GPBP1: variants seen among roughly 807,000 people sequenced by gnomAD.
GPBP1 encodes the protein GC-rich promoter binding protein 1.
GPBP1 carries 13 observed loss-of-function variants against 56.5 expected under a neutral mutation model. The observed-to-expected ratio is 0.23, with a 90% confidence interval of 0.15 to 0.37. GPBP1 has a LOEUF of 0.37. GPBP1 is among the 10% of genes least tolerant of loss of function. The pLI is 1.00. For synonymous variants in GPBP1, 204 were observed against 188.9 expected (o/e 1.08, Z -0.66); for missense variants, 477 against 572.3 (o/e 0.83, Z 1.70).
At chr5:57,189,184 A>C (rs1410393328) in intron 2 of GPBP1, among the ~76,000 whole-genome samples, 2 of 152,074 alleles carry the variant, frequency 1.3e-5, no homozygotes, top group Admixed American at 6.6e-5. Context: ...TATTGCCACT[A>C]TCTCAGTTCA....
chr5:57,190,223 T>A (rs1296036185), intron 2 of GPBP1, among the ~76,000 whole-genome samples: 2 of 151,460 alleles, frequency 1.3e-5, no homozygotes, highest in Non-Finnish European at 2.9e-5. Flanking sequence ...TATTTTTAAC[T>A]GCTTGGGGAC....
In GPBP1 at chr5:57,247,080, A is replaced by C; in HGVS notation, c.669A>C (p.Thr223=). Residue 223 remains threonine (T), a synonymous_variant, in exon 8 of 12, where the codon ACA becomes ACC. Transcript: ENST00000506184. ...GTTTGTGTGTTTTTCTTTAGCCTAC[A>C]CAATGGAAAAGCCAAACAAAAGAAA... ...PKPAAPPTKP[T]QWKSQTKENK... 1.2e-6 allele frequency: 2 copies of C among 1,612,694 alleles called. No individual in the cohort carries two copies. The highest frequency in any genetic ancestry group is 8.5e-7 in the Non-Finnish European group (1 of 1,179,478).
chr5:57,187,060 T>C (rs554856360), intron 2 of GPBP1, among the ~76,000 whole-genome samples: 3 of 151,836 alleles, frequency 2.0e-5, no homozygotes, highest in East Asian at 3.9e-4. Flanking sequence ...GTATGTATTA[T>C]GCTAATTCTA....
In GPBP1 at chr5:57,176,305, ATAT is replaced by A; in HGVS notation, c.-148_-146del. 3.3e-6 allele frequency: 1 copy of A among 305,002 alleles called. No individual in the cohort carries two copies. The highest frequency in any genetic ancestry group is 5.9e-6 in the Non-Finnish European group (1 of 168,314). 18.9% of individuals were successfully genotyped at this position (305,002 alleles called of 1,614,324 possible). A position where few individuals can be genotyped will look rare whatever the true frequency, so the allele number is the denominator to read the frequency against. Reference sequence around the variant, plus strand: ...GGTTAAGTATCTTCAAAGAACTTCGATATTATTTCAGAGGATACAAAATAAAAA... The same window carrying A: ...GGTTAAGTATCTTCAAAGAACTTCGATATTTCAGAGGATACAAAATAAAAA... On this transcript the variant is annotated 5_prime_UTR_variant, in exon 2 of 12. Coordinates refer to ENST00000506184, the MANE Select transcript of GPBP1 (RefSeq NM_022913.4).
intron 5 of GPBP1, 54 bp from the exon 6 acceptor site, chr5:57,235,912 G>C (rs2111876010): frequency 2.3e-6 from 3 of 1,287,474 alleles, no homozygotes; most frequent in Non-Finnish European, 3.4e-6. Flanking sequence ...TCTGAGATTG[G>C]TTTTAAATGA....
chr5:57,246,496 A>G lies in GPBP1; in HGVS notation c.663+12A>G, dbSNP rs1423209708. The G allele has an allele frequency of 1.3e-6, 2 of 1,580,052 alleles. No homozygotes were observed. Among genetic ancestry groups the G allele is most frequent in the East Asian group, 2.2e-5 (1 of 44,594 alleles). On this transcript the variant is annotated intron_variant, in intron 7 of 11. Coordinates refer to ENST00000506184, the MANE Select transcript of GPBP1 (RefSeq NM_022913.4). ...CTCCACCTACAAAAGTAAGTTCTAA[A>G]TTACCACAAATGTAAATTTTGAGTT...
At chr5:57,187,387 G>A (rs554570342) in intron 2 of GPBP1, among the ~76,000 whole-genome samples, 2 of 152,316 alleles carry the variant, frequency 1.3e-5, no homozygotes, top group African/African-American at 4.8e-5. Context: ...TATCTCAACA[G>A]TGGATTTGGG....
chr5:57,174,847 C>T (rs1245565037), intron 1 of GPBP1, among the ~76,000 whole-genome samples: 1 of 152,170 alleles, frequency 6.6e-6, no homozygotes, highest in Non-Finnish European at 1.5e-5. Context: ...GAAGTGGAAA[C>T]CTACACCTTC....
At chr5:57,178,578 G>C (rs1336593588) in intron 2 of GPBP1, among the ~76,000 whole-genome samples, 1 of 152,146 alleles carries the variant, frequency 6.6e-6, no homozygotes, top group Non-Finnish European at 1.5e-5. Flanking sequence ...TACTGATATT[G>C]TTAATCTAAG....
chr5:57,214,663 A>T (rs921838550), intron 3 of GPBP1, among the ~76,000 whole-genome samples: 1 of 150,528 alleles, frequency 6.6e-6, no homozygotes, highest in African/African-American at 2.4e-5. Context: ...CTCTATTAAA[A>T]TTTTTTTTTT....
chr5:57,245,895 A>G (rs1309023026), intron 6 of GPBP1: 1 of 153,724 alleles, frequency 6.5e-6, no homozygotes, highest in Non-Finnish European at 1.4e-5. Flanking sequence ...GAATGAAAAA[A>G]TTGAAATTTT....
intron 2 of GPBP1, among the ~76,000 whole-genome samples, chr5:57,194,407 T>C (rs765084129): frequency 1.2e-4 from 18 of 152,216 alleles, no homozygotes; most frequent in Non-Finnish European, 1.3e-4. Flanking sequence ...TTTCTACTTA[T>C]GGATGAATAA....
At chr5:57,206,016 T>G (rs1755217702) in intron 2 of GPBP1, among the ~76,000 whole-genome samples, 1 of 152,206 alleles carries the variant, frequency 6.6e-6, no homozygotes, top group South Asian at 2.1e-4. Flanking sequence ...TCCTCCTGCC[T>G]TGGCCTCCTA....
chr5:57,192,030 G>C (rs1754549585), intron 2 of GPBP1, among the ~76,000 whole-genome samples: 1 of 152,184 alleles, frequency 6.6e-6, no homozygotes, highest in Non-Finnish European at 1.5e-5. Flanking sequence ...GTTTATCTGT[G>C]TGATCTTGTT....
rs562335983 is a variant in GPBP1 at position 57,249,589 on chromosome 5, A to G, written c.972+13A>G. ...TGGCTCAGAGAAGGTAATTGAATTTATAGCAATACTTGATTTGACATTGAT... is the reference window on the plus strand; with the variant it reads ...TGGCTCAGAGAAGGTAATTGAATTTGTAGCAATACTTGATTTGACATTGAT... On this transcript the variant is annotated intron_variant, in intron 9 of 11. Transcript: ENST00000506184. The G allele has an allele frequency of 6.3e-7, 1 of 1,588,992 alleles. No homozygotes were observed. The highest frequency in any genetic ancestry group is 1.8e-5 in the Admixed American group (1 of 55,220).
At position 57,214,202 on chromosome 5, in the gene GPBP1, T is replaced by C; in HGVS notation, c.63+9T>C. On this transcript the variant is annotated intron_variant, in intron 3 of 11. Coordinates refer to ENST00000506184, the MANE Select transcript of GPBP1 (RefSeq NM_022913.4). ...CACCATCATCAACAAAGGTACTCTT[T>C]CTGCATCTTTCTTTCTGTCTGCTTC... 2 of 1,597,488 alleles carry C rather than the reference T, an allele frequency of 1.3e-6. No homozygotes were observed. Among genetic ancestry groups the C allele is most frequent in the Non-Finnish European group, 1.7e-6 (2 of 1,164,842 alleles).
intron 10 of GPBP1, among the ~76,000 whole-genome samples, chr5:57,256,441 A>T (rs1394840018): frequency 6.6e-6 from 1 of 152,120 alleles, no homozygotes; most frequent in Non-Finnish European, 1.5e-5. Flanking sequence ...TCGTCTTTTT[A>T]AAACAGTGGA....
chr5:57,220,460 CTTT>C (rs5868040), intron 3 of GPBP1, among the ~76,000 whole-genome samples: 3 of 138,924 alleles, frequency 2.2e-5, no homozygotes, highest in Admixed American at 7.3e-5. Flanking sequence ...ACAATTTAAA[CTTT>C]TTTTTTTTTT....
At chr5:57,210,292 T>G (rs914449477) in intron 2 of GPBP1, among the ~76,000 whole-genome samples, 3 of 152,178 alleles carry the variant, frequency 2.0e-5, no homozygotes, top group African/African-American at 7.2e-5. Context: ...TTATTCTTCA[T>G]GGATGTCGTG....
Sources: gnomAD v4.1 joint callset for allele counts (sites outside exome capture counted in the v4.1 genomes callset) on GRCh38, gnomAD v4.1.1 for gene constraint, MANE v1.5 for transcripts, NCBI Gene and HGNC (gene_info 2026-07-23, HGNC 2026-07-21) for gene names.